OR3A2: variants seen among roughly 807,000 people sequenced by gnomAD.
OR3A2 encodes olfactory receptor 3A2.
For missense variants in OR3A2, 318 were observed against 392.8 expected (o/e 0.81, Z 1.61); for synonymous variants, 126 against 159.3 (o/e 0.79, Z 1.57).
intron 3 of OR3A2, among the ~76,000 whole-genome samples, chr17:3,319,609 A>T (rs2049103149): frequency 6.6e-6 from 1 of 152,024 alleles, no homozygotes; most frequent in East Asian, 1.9e-4. Flanking sequence ...CCCACTTATG[A>T]GTGAGAACAT....
Position 3,311,359 on chromosome 17 carries a change from C to T in OR3A2, c.-85+24674G>A, listed in dbSNP as rs984909175. The T allele has an allele frequency of 2.8e-5, 15 of 528,554 alleles. No individual in the cohort carries two copies. Among genetic ancestry groups the T allele is most frequent in the Middle Eastern group, 3.2e-4 (1 of 3,124 alleles). The allele number at this position is 528,554 out of a possible 1,614,324, so 32.7% of individuals were successfully genotyped here. A position where few individuals can be genotyped will look rare whatever the true frequency, so the allele number is the denominator to read the frequency against. ...CCTCTTAATAGCCATGGCCTATGAC[C>T]GCTACCTGGCTATCTGTCAGCTTCT... On this transcript the variant is annotated intron_variant, in intron 3 of 4. Coordinates refer to the OR3A2 transcript ENST00000573491. This position sits in a 1 kb window ranked among gnomAD's most constrained non-coding sequence, Gnocchi z 4.6.
intron 1 of OR3A2, 58 bp from the exon 5 acceptor site, chr17:3,278,981 A>T (rs746829147): frequency 6.4e-7 from 1 of 1,574,604 alleles, no homozygotes; most frequent in South Asian, 1.2e-5. Flanking sequence ...CTTATTCAAC[A>T]TTAATATTTT....
At chr17:3,363,553 T>A (rs1338115181) in intron 2 of OR3A2, among the ~76,000 whole-genome samples, 1 of 151,816 alleles carries the variant, frequency 6.6e-6, no homozygotes, top group Non-Finnish European at 1.5e-5. Context: ...AGTTCTAAAC[T>A]GTCTCACATC....
chr17:3,356,599 C>A (rs1884884158), intron 2 of OR3A2, among the ~76,000 whole-genome samples: 2 of 151,212 alleles, frequency 1.3e-5, no homozygotes, highest in Non-Finnish European at 2.9e-5. Context: ...AATGAGATAA[C>A]TTTGAGGATT....
intron 2 of OR3A2, among the ~76,000 whole-genome samples, chr17:3,367,841 T>A (rs540174875): frequency 1.3e-5 from 2 of 152,144 alleles, no homozygotes; most frequent in East Asian, 3.9e-4. Context: ...TCCATAGTGG[T>A]TGTACCAGTT....
At chr17:3,340,788 G>A (rs1357375474) in intron 2 of OR3A2, among the ~76,000 whole-genome samples, 1 of 152,146 alleles carries the variant, frequency 6.6e-6, no homozygotes, top group African/African-American at 2.4e-5. Flanking sequence ...GGTCCATTTG[G>A]TGCAGAGCTG....
intron 2 of OR3A2, among the ~76,000 whole-genome samples, chr17:3,339,267 C>A (rs577814842): frequency 6.6e-6 from 1 of 152,258 alleles, no homozygotes; most frequent in East Asian, 1.9e-4. Flanking sequence ...ATTTCTTTCT[C>A]CTGCCTGACT....
intron 2 of OR3A2, among the ~76,000 whole-genome samples, chr17:3,383,157 G>A (rs2049752745): frequency 6.6e-6 from 1 of 152,234 alleles, no homozygotes; most frequent in Non-Finnish European, 1.5e-5. Flanking sequence ...TGGCCACTAT[G>A]TGAAAAGCTG....
At chr17:3,359,728 T>C (rs2049493414) in intron 2 of OR3A2, among the ~76,000 whole-genome samples, 1 of 151,832 alleles carries the variant, frequency 6.6e-6, no homozygotes, top group South Asian at 2.1e-4. Context: ...GCTTCATCCA[T>C]GTCCCTACAA....
chr17:3,300,080 A>T (rs1597326535), intron 3 of OR3A2, among the ~76,000 whole-genome samples: 1 of 151,318 alleles, frequency 6.6e-6, no homozygotes, highest in South Asian at 2.1e-4. Flanking sequence ...GCAGAGCTGG[A>T]CCTCAAGCCA....
chr17:3,291,795 A>AT, intron 3 of OR3A2: 1 of 1,613,806 alleles, frequency 6.2e-7, no homozygotes, highest in Non-Finnish European at 8.5e-7. Flanking sequence ...ACCCAGTCGC[A>AT]TATAGTTAAA....
chr17:3,348,601 ACT>A (rs2049390675), intron 2 of OR3A2, among the ~76,000 whole-genome samples: 1 of 152,176 alleles, frequency 6.6e-6, no homozygotes, highest in Non-Finnish European at 1.5e-5. Context: ...GTTGGAAAAC[ACT>A]CTGCAGGATA....
intron 2 of OR3A2, chr17:3,377,598 A>G (rs577302704): frequency 2.6e-5 from 4 of 152,374 alleles, no homozygotes; most frequent in South Asian, 2.1e-4. Flanking sequence ...TACTACGTAC[A>G]GCACGGGGGC....
chr17:3,381,009 G>A (rs1215161486), intron 2 of OR3A2, among the ~76,000 whole-genome samples: 1 of 152,084 alleles, frequency 6.6e-6, no homozygotes, highest in South Asian at 2.1e-4. Flanking sequence ...ATCTTTGTTG[G>A]GTGTTGCATG....
chr17:3,315,751 TGG>T, intron 3 of OR3A2, among the ~76,000 whole-genome samples: 2 of 128,934 alleles, frequency 1.6e-5, no homozygotes, highest in African/African-American at 5.5e-5. Flanking sequence ...GGTGAAAATA[TGG>T]GGGGGGGGGC....
At chr17:3,340,843 C>T (rs566239122) in intron 2 of OR3A2, among the ~76,000 whole-genome samples, 2 of 152,288 alleles carry the variant, frequency 1.3e-5, no homozygotes, top group Admixed American at 6.5e-5. Flanking sequence ...TCTTGTTGAT[C>T]TGTCTAATGT....
chr17:3,335,570 A>T (rs1211133183), intron 3 of OR3A2, among the ~76,000 whole-genome samples: 1 of 152,116 alleles, frequency 6.6e-6, no homozygotes, highest in Non-Finnish European at 1.5e-5. Flanking sequence ...CCATTCCATC[A>T]ATTTTCTATT....
In OR3A2 at chr17:3,371,285, G is replaced by A. The variant is rs373219525; in HGVS notation, c.-179+12519C>T. Reference sequence around the variant, plus strand: ...TCCCTCCCGGACGGGGCGGCTGGCCGGGCAGAGGGGCTCCTCACTTCCCAG... The same window carrying A: ...TCCCTCCCGGACGGGGCGGCTGGCCAGGCAGAGGGGCTCCTCACTTCCCAG... On this transcript the variant is annotated intron_variant, in intron 2 of 4. Coordinates refer to the OR3A2 transcript ENST00000573491. 3.7e-4 allele frequency among the ~76,000 whole-genome samples: 55 copies of A among 147,526 alleles called. 1 individual carries two copies. The South Asian group carries it at 7.2e-3, about 19-fold the overall frequency.
At chr17:3,347,170 T>C (rs1326804984) in intron 2 of OR3A2, among the ~76,000 whole-genome samples, 1 of 152,086 alleles carries the variant, frequency 6.6e-6, no homozygotes, top group African/African-American at 2.4e-5. Context: ...TGTATAAGGG[T>C]TCCCTTTTCT....
Sources: allele counts gnomAD v4.1 joint callset (sites outside exome capture counted in the v4.1 genomes callset), GRCh38; gene constraint gnomAD v4.1.1; non-coding constraint Gnocchi (gnomAD v3.1); transcripts MANE v1.5; gene names NCBI Gene and HGNC (gene_info 2026-07-23, HGNC 2026-07-21).